The following CPNE4 variants were observed in gnomAD, a reference collection of about 807,000 sequenced individuals.
CPNE4 encodes copine-4.
A neutral mutation model predicts 67.9 loss-of-function variants in CPNE4; 25 were observed. That is an observed-to-expected ratio of 0.37 (90% CI 0.27 to 0.51). The LOEUF is 0.51. CPNE4 is among the 20% of genes least tolerant of loss of function. The probability of loss-of-function intolerance (pLI) is 0.93; values close to 1 mark genes in which losing one functional copy is unlikely to be tolerated. For missense variants in CPNE4, 464 were observed against 690.8 expected (o/e 0.67, Z 3.68); for synonymous variants, 242 against 244.9 (o/e 0.99, Z 0.11).
At chr3:131,801,446 G>GTATATATATATATA (rs1331072183) in intron 2 of CPNE4, among the ~76,000 whole-genome samples, 3 of 85,210 alleles carry the variant, frequency 3.5e-5, no homozygotes, top group African/African-American at 1.5e-4. Context: ...GTGTGTGTGT[G>GTATATATATATATA]TGTGTGTATA....
At chr3:131,931,889 T>C (rs1870716) in intron 1 of CPNE4, among the ~76,000 whole-genome samples, 29,196 of 152,118 alleles carry the variant, frequency 0.19, 3,067 homozygotes, top group East Asian at 0.31. Flanking sequence ...TCTAATATTA[T>C]ATTATTCTAA....
At chr3:131,754,509 T>C (rs577838250) in intron 2 of CPNE4, among the ~76,000 whole-genome samples, 2 of 152,260 alleles carry the variant, frequency 1.3e-5, no homozygotes, top group Non-Finnish European at 2.9e-5. Flanking sequence ...TTAAGTCACA[T>C]ACCAAATATA....
At chr3:131,999,849 G>A (rs887232035) in intron 1 of CPNE4, among the ~76,000 whole-genome samples, 1 of 151,926 alleles carries the variant, frequency 6.6e-6, no homozygotes, top group African/African-American at 2.4e-5. Flanking sequence ...CAAGTACTGG[G>A]CAAATAATTC....
At chr3:131,616,396 G>A (rs1940162111) in intron 7 of CPNE4, among the ~76,000 whole-genome samples, 1 of 152,324 alleles carries the variant, frequency 6.6e-6, no homozygotes, top group African/African-American at 2.4e-5. Context: ...AATAAGGACT[G>A]TGAGCCCTGG....
intron 2 of CPNE4, among the ~76,000 whole-genome samples, chr3:131,792,715 A>G (rs2083794128): frequency 8.9e-6 from 1 of 111,966 alleles, no homozygotes; most frequent in African/African-American, 3.5e-5. Context: ...ACACGTGTAT[A>G]TATGTATATA....
Position 131,842,727 on chromosome 3 carries a change from T to C in CPNE4, c.180+62537A>G, listed in dbSNP as rs1465304096. Among the ~76,000 whole-genome samples the C allele has an allele frequency of 1.4e-4, 11 of 79,212 alleles. No individual in the cohort carries two copies. The Admixed American group carries it at 1.7e-3, about 12-fold the overall frequency. The allele number at this position is 79,212 out of a possible 152,430, so 52.0% of individuals were successfully genotyped here. On this transcript the variant is annotated intron_variant, in intron 2 of 15. Coordinates refer to ENST00000429747, the MANE Select transcript of CPNE4 (RefSeq NM_130808.3). ...GGGCTCAGAAGCAAGTTATATTCTG[T>C]TGTAAAAAAAAAAAAAAAAAAAGAA...
At chr3:131,910,053 G>A (rs113183236) in intron 1 of CPNE4, among the ~76,000 whole-genome samples, 4 of 152,086 alleles carry the variant, frequency 2.6e-5, no homozygotes, top group African/African-American at 9.6e-5. Flanking sequence ...TGGACTGCAG[G>A]AGAGAAAAAA....
At chr3:131,627,193 C>CAAAAAAAA (rs57977015) in intron 7 of CPNE4, among the ~76,000 whole-genome samples, 7 of 68,118 alleles carry the variant, frequency 1.0e-4, no homozygotes, top group Non-Finnish European at 1.7e-4. Context: ...GACTCCATCT[C>CAAAAAAAA]AAAAAAAAAA....
At chr3:131,757,218 G>A (rs534774358) in intron 2 of CPNE4, among the ~76,000 whole-genome samples, 38 of 152,328 alleles carry the variant, frequency 2.5e-4, no homozygotes, top group African/African-American at 8.2e-4. Context: ...AAGAAGACAG[G>A]AAAATGTGGG....
At chr3:131,860,590 A>T (rs1182748700) in intron 2 of CPNE4, among the ~76,000 whole-genome samples, 4 of 152,222 alleles carry the variant, frequency 2.6e-5, no homozygotes, top group Non-Finnish European at 5.9e-5. Context: ...AGTGTGAACA[A>T]GTTGGAAAGC....
intron 2 of CPNE4, among the ~76,000 whole-genome samples, chr3:131,854,665 C>G (rs1402650173): frequency 1.3e-5 from 2 of 151,792 alleles, no homozygotes; most frequent in East Asian, 3.9e-4. Context: ...CATTCTATTA[C>G]CAAAATAAAA....
intron 1 of CPNE4, among the ~76,000 whole-genome samples, chr3:132,011,487 G>T (rs543862167): frequency 6.6e-6 from 1 of 152,272 alleles, no homozygotes; most frequent in African/African-American, 2.4e-5. Context: ...TTCACACATA[G>T]CTGGTGGCCC....
At chr3:131,557,885 G>C (rs1936549469) in intron 11 of CPNE4, among the ~76,000 whole-genome samples, 1 of 151,896 alleles carries the variant, frequency 6.6e-6, no homozygotes, top group South Asian at 2.1e-4. Context: ...GATGGATCCT[G>C]GTCCTTCACA....
Position 131,573,454 on chromosome 3 carries a change from C to T in CPNE4, c.927+1617G>A, listed in dbSNP as rs374729984. Among the ~76,000 whole-genome samples the T allele has an allele frequency of 6.2e-4, 95 of 152,162 alleles. 3 individuals carry two copies. In the South Asian group the frequency reaches 0.014, roughly 23 times the overall value. ...AAGTCAGGATGTGGAGCTGGGAACA[C>T]TTTAGGTTGGGGTTCAGCACCTAAT... is the stretch of plus-strand genomic sequence containing the variant. On this transcript the variant is annotated intron_variant, in intron 10 of 15. Coordinates refer to ENST00000429747, the MANE Select transcript of CPNE4 (RefSeq NM_130808.3).
At chr3:132,007,624 C>T (rs2073644026) in intron 1 of CPNE4, among the ~76,000 whole-genome samples, 1 of 151,898 alleles carries the variant, frequency 6.6e-6, no homozygotes, top group Non-Finnish European at 1.5e-5. Context: ...ACACAGCAGC[C>T]CTTTTTTTTT....
intron 2 of CPNE4, among the ~76,000 whole-genome samples, chr3:131,800,934 C>T (rs998447239): frequency 6.6e-6 from 1 of 152,084 alleles, no homozygotes; most frequent in Non-Finnish European, 1.5e-5. Flanking sequence ...GAGGTAAATG[C>T]ATCAGATCAT....
chr3:131,820,656 T>C (rs1057324806), intron 2 of CPNE4, among the ~76,000 whole-genome samples: 3 of 152,248 alleles, frequency 2.0e-5, no homozygotes, highest in African/African-American at 7.2e-5. Flanking sequence ...AAAAATCCCA[T>C]TGTAATGCAT....
intron 1 of CPNE4, among the ~76,000 whole-genome samples, chr3:131,974,542 C>T (rs2072593110): frequency 6.6e-6 from 1 of 152,200 alleles, no homozygotes; most frequent in African/African-American, 2.4e-5. Flanking sequence ...CATCTACCTT[C>T]TCTGCCTGTA....
rs551776516 is a variant in CPNE4 at position 132,034,298 on chromosome 3, C to T, written c.-2+269G>A. ...CCGTGCCATGCTGTCCCCTCCCCTC[C>T]GCGGTCTTTCTCCCCAACTCCATTC... On this transcript the variant is annotated intron_variant, in intron 1 of 15. Coordinates refer to ENST00000429747, the MANE Select transcript of CPNE4 (RefSeq NM_130808.3). Among the ~76,000 whole-genome samples, 7 of 152,334 alleles carry T rather than the reference C, an allele frequency of 4.6e-5. No individual in the cohort carries two copies. The East Asian group carries it at 1.4e-3, about 29-fold the overall frequency.
Sources: allele counts gnomAD v4.1 joint callset (sites outside exome capture counted in the v4.1 genomes callset), GRCh38; gene constraint gnomAD v4.1.1; transcripts MANE v1.5; gene names NCBI Gene and HGNC (gene_info 2026-07-23, HGNC 2026-07-21).